The following RASEF variants were observed in gnomAD, a reference collection of about 807,000 sequenced individuals.
RASEF encodes the protein RAS and EF-hand domain containing, also known as ras and EF-hand domain-containing protein.
Under a neutral mutation model 90.1 loss-of-function variants are expected in RASEF, and 68 were observed. That is an observed-to-expected ratio of 0.75 (90% CI 0.62 to 0.92). The LOEUF (loss-of-function observed/expected upper bound fraction) is 0.92, where lower values mean the gene tolerates loss of function less well. Ranked by LOEUF, RASEF falls within the 40% of genes least tolerant of loss-of-function variation. RASEF has a pLI of 0.00. For synonymous variants in RASEF, 331 were observed against 345.2 expected, an observed-to-expected ratio of 0.96 and a Z score of 0.46; for missense variants, 949 against 937.2, an observed-to-expected ratio of 1.01 and a Z score of -0.16.
chr9:82,987,609 T>C (rs1828731654), intron 16 of RASEF, among the ~76,000 whole-genome samples: 2 of 152,264 alleles, frequency 1.3e-5, no homozygotes, highest in East Asian at 3.9e-4. Context: ...CCCATCTTTA[T>C]GACATAATAA....
At chr9:83,142,699 C>T in the RASEF span, among the ~76,000 whole-genome samples, 1 of 152,122 alleles carries the variant, frequency 6.6e-6, no homozygotes, top group Non-Finnish European at 1.5e-5. Flanking sequence ...AGCTTAACAC[C>T]TTTCAAGGAT....
chr9:83,024,184 G>C (rs965063878), intron 2 of RASEF, among the ~76,000 whole-genome samples: 4 of 152,212 alleles, frequency 2.6e-5, no homozygotes, highest in Non-Finnish European at 5.9e-5. Context: ...GGAGACTTCA[G>C]CTCAGCATAG....
the RASEF span, among the ~76,000 whole-genome samples, chr9:83,144,386 AGAAAG>A: frequency 2.4e-3 from 125 of 52,126 alleles, 1 homozygote; most frequent in African/African-American, 7.4e-3. Context: ...AAAGAAAGAA[AGAAAG>A]GAAAGAAAGA....
At chr9:83,120,686 T>A in the RASEF span, among the ~76,000 whole-genome samples, 1 of 152,200 alleles carries the variant, frequency 6.6e-6, no homozygotes, top group Non-Finnish European at 1.5e-5. Flanking sequence ...CTGAAGATAA[T>A]CAGAAGTCTT....
rs1442219839 is a variant in RASEF, at chr9:83,025,824, T to G, written c.529A>C (p.Ile177Leu). Residue 177 changes from isoleucine to leucine, a missense_variant, in exon 2 of 17, where the codon ATC (isoleucine) becomes CTC (leucine). Around this residue, in one of 3 missense-constraint regions of RASEF, gnomAD observed 656 missense variants for 592.2 expected, o/e 1.11. Transcript: ENST00000376447. The stretch of plus-strand genomic sequence containing the variant: ...TCCATTTCTGTGCTTTGAAGTCTGA[T>G]CTCACGGATGAAGTTCTTTATAACA... ...EHVIKNFIRE[I>L]RLQSTEMENL... 1 of 1,614,116 alleles carries G rather than the reference T, an allele frequency of 6.2e-7. No individual in the cohort carries two copies. The highest frequency in any genetic ancestry group is 1.1e-5 in the South Asian group (1 of 91,060).
chr9:83,159,623 C>A, the RASEF span, among the ~76,000 whole-genome samples: 1 of 152,128 alleles, frequency 6.6e-6, no homozygotes, highest in South Asian at 2.1e-4. Flanking sequence ...CTTTTAATTG[C>A]ATAATTTTAT....
the RASEF span, among the ~76,000 whole-genome samples, chr9:83,112,716 A>C: frequency 1.3e-5 from 2 of 152,026 alleles, no homozygotes; most frequent in Non-Finnish European, 2.9e-5. Context: ...TTTTAAAAGG[A>C]TATTTAGCTG....
At chr9:83,049,733 T>C (rs1473501530) in intron 1 of RASEF, among the ~76,000 whole-genome samples, 1 of 102,090 alleles carries the variant, frequency 9.8e-6, no homozygotes, top group Non-Finnish European at 1.8e-5. Context: ...GATATTCCCC[T>C]TCCTGTGTCC....
At chr9:83,160,880 C>T in the RASEF span, among the ~76,000 whole-genome samples, 3 of 152,142 alleles carry the variant, frequency 2.0e-5, no homozygotes, top group East Asian at 3.9e-4. Context: ...GAGCTTGGGT[C>T]GTGGCTTCAC....
chr9:83,184,679 C>T, the RASEF span, among the ~76,000 whole-genome samples: 1 of 91,698 alleles, frequency 1.1e-5, no homozygotes, highest in Admixed American at 1.1e-4. Context: ...CTGTCCCACC[C>T]CGATCTACAC....
At chr9:83,036,486 C>A (rs759796971) in intron 1 of RASEF, among the ~76,000 whole-genome samples, 14 of 152,314 alleles carry the variant, frequency 9.2e-5, no homozygotes, top group Non-Finnish European at 1.0e-4. Flanking sequence ...GATGCTCTTG[C>A]TACAGTGAGT....
intron 1 of RASEF, among the ~76,000 whole-genome samples, chr9:83,047,544 G>C (rs779515227): frequency 6.6e-6 from 1 of 152,162 alleles, no homozygotes; most frequent in Non-Finnish European, 1.5e-5. Context: ...CAGATGAAGA[G>C]AAAGAAAAAT....
Position 83,008,899 on chromosome 9 carries a change from T to TC in RASEF, c.959+741_959+742insG, listed in dbSNP as rs1282417067. Among the ~76,000 whole-genome samples, 434 of 103,224 alleles carry TC rather than the reference T, an allele frequency of 4.2e-3. 44 individuals are homozygous for TC. In the East Asian group the frequency reaches 0.052, roughly 12 times the overall value. 67.7% of individuals were successfully genotyped at this position (103,224 alleles called of 152,430 possible). A position where few individuals can be genotyped will look rare whatever the true frequency, so the allele number is the denominator to read the frequency against. ...AAATTTGAAGTTCTCATCATATATATATATATATATATATATATATATATA... is the reference window on the plus strand; with the variant it reads ...AAATTTGAAGTTCTCATCATATATATCATATATATATATATATATATATATA... On this transcript the variant is annotated intron_variant, in intron 6 of 16. Coordinates refer to ENST00000376447, the MANE Select transcript of RASEF (RefSeq NM_152573.4).
chr9:83,122,161 G>A, the RASEF span, among the ~76,000 whole-genome samples: 3 of 152,162 alleles, frequency 2.0e-5, no homozygotes, highest in East Asian at 3.9e-4. Flanking sequence ...ACCCACATCC[G>A]TGGCCCTGGA....
At chr9:82,998,314 G>T (rs767818428) in intron 13 of RASEF, 51 bp downstream of exon 13, 28 of 1,120,860 alleles carry the variant, frequency 2.5e-5, no homozygotes, top group Non-Finnish European at 3.4e-5. Flanking sequence ...GGCCTGCAAG[G>T]CTTGTTAATG....
chr9:83,022,426 T>C lies in RASEF; in HGVS notation c.579A>G (p.Arg193=), dbSNP rs536822150. The C allele has an allele frequency of 1.2e-6, 2 of 1,612,442 alleles. No homozygotes were observed. The highest frequency in any genetic ancestry group is 2.7e-5 in the African/African-American group (2 of 75,018). ...EMENLAIAVK[R]AQDKAAMQLS... Reference sequence around the variant, plus strand: ...ACTGCATAGCTGCCTTGTCCTGGGCTCTGAAATTCAAAAGGATGCACACCT... The same window carrying C: ...ACTGCATAGCTGCCTTGTCCTGGGCCCTGAAATTCAAAAGGATGCACACCT... Residue 193 remains arginine, a splice_region_variant and synonymous_variant, in exon 3 of 17, where the codon AGA becomes AGG. Transcript: ENST00000376447.
At chr9:83,130,091 T>A in the RASEF span, among the ~76,000 whole-genome samples, 2 of 152,124 alleles carry the variant, frequency 1.3e-5, no homozygotes, top group Admixed American at 6.5e-5. Flanking sequence ...GCAATATGAG[T>A]TCCATGCTCA....
intron 7 of RASEF, among the ~76,000 whole-genome samples, chr9:83,005,831 T>C (rs1829119219): frequency 6.6e-6 from 1 of 152,212 alleles, no homozygotes; most frequent in Non-Finnish European, 1.5e-5. Context: ...TGCCTGAACC[T>C]GGCCAGCCAG....
At position 83,000,949 on chromosome 9, in the gene RASEF, G is replaced by A; in HGVS notation, c.1384C>T (p.Gln462Ter). The change falls in exon 10 of 17, where the codon CAG becomes TAG. Residue 462 changes from glutamine to a stop codon, truncating the protein, a stop_gained. Transcript: ENST00000376447. LOFTEE classifies it high-confidence loss of function. ...EVEYKHQRGF[Q>*]RSHGVQESFG... Reference sequence around the variant, plus strand: ...CTCTCCTGCACCCCGTGTGACCTCTGAAATCCCCTCTGGTGCTTGTATTCC... The same window carrying A: ...CTCTCCTGCACCCCGTGTGACCTCTAAAATCCCCTCTGGTGCTTGTATTCC... 2 of 1,614,128 alleles carry A rather than the reference G, an allele frequency of 1.2e-6. No homozygotes were observed. Among genetic ancestry groups the A allele is most frequent in the African/African-American group, 1.3e-5 (1 of 75,016 alleles).
Sources: gnomAD v4.1 joint callset for allele counts (sites outside exome capture counted in the v4.1 genomes callset) on GRCh38, gnomAD v4.1.1 for gene constraint, gnomAD v4.1.1 regional missense constraint, MANE v1.5 for transcripts, NCBI Gene and HGNC (gene_info 2026-07-23, HGNC 2026-07-21) for gene names.